The following GRK5 variants were observed in gnomAD, a reference collection of about 807,000 sequenced individuals.
GRK5 encodes the protein g protein-coupled receptor kinase GRK5.
In GRK5, 40 loss-of-function variants were observed where a neutral mutation model predicts 78.4. The observed-to-expected ratio is 0.51, with a 90% CI of 0.40 to 0.66. The LOEUF is 0.66. Among genes scored for constraint, GRK5 ranks in the 30% least tolerant of loss-of-function variants. The pLI is 0.00. For synonymous variants in GRK5, 289 were observed against 296.8 expected, an observed-to-expected ratio of 0.97 and a Z score of 0.27; for missense variants, 598 against 759.9, an observed-to-expected ratio of 0.79 and a Z score of 2.50.
chr10:119,265,282 A>G (rs73450534), intron 1 of GRK5, among the ~76,000 whole-genome samples: 4,157 of 152,280 alleles, frequency 0.027, 77 homozygotes, highest in Admixed American at 0.055. Flanking sequence ...GGGTAGAGAA[A>G]GCCTTTGCTG....
chr10:119,239,878 A>G (rs1039197723), intron 1 of GRK5, among the ~76,000 whole-genome samples: 1 of 152,118 alleles, frequency 6.6e-6, no homozygotes, highest in Admixed American at 6.6e-5. Context: ...ATAGTATTCC[A>G]TGGTGTATAT....
intron 4 of GRK5, among the ~76,000 whole-genome samples, chr10:119,418,919 T>C (rs1169284822): frequency 6.6e-6 from 1 of 152,124 alleles, no homozygotes; most frequent in African/African-American, 2.4e-5. Flanking sequence ...CTTGGATTTC[T>C]GTATGGTTAG....
chr10:119,249,347 T>C (rs1225655665), intron 1 of GRK5, among the ~76,000 whole-genome samples: 1 of 152,198 alleles, frequency 6.6e-6, no homozygotes, highest in Non-Finnish European at 1.5e-5. Context: ...TTAATATATA[T>C]ATCAAATAAA....
chr10:119,414,502 C>T (rs1471514436), intron 4 of GRK5, among the ~76,000 whole-genome samples: 2 of 152,214 alleles, frequency 1.3e-5, no homozygotes, highest in Non-Finnish European at 2.9e-5. Flanking sequence ...GCTTGTTCCT[C>T]AACACCACAT....
chr10:119,430,506 A>C lies in GRK5; in HGVS notation c.597+68A>C. The C allele has an allele frequency of 1.4e-6, 2 of 1,467,164 alleles. No individual in the cohort carries two copies. Among genetic ancestry groups the C allele is most frequent in the Non-Finnish European group, 1.9e-6 (2 of 1,055,492 alleles). 90.9% of individuals were successfully genotyped at this position (1,467,164 alleles called of 1,614,324 possible). A position where few individuals can be genotyped will look rare whatever the true frequency, so the allele number is the denominator to read the frequency against. The stretch of plus-strand genomic sequence containing the variant: ...AAGTCACCTTTCCTGTCCCTTCTAA[A>C]TCAACCTAAAGGGTTGGCCCACGGG... On this transcript the variant is annotated intron_variant, in intron 7 of 15. Transcript: ENST00000392870. The surrounding 1 kb of genome is among the most constrained non-coding windows in gnomAD (Gnocchi z 4.5).
At chr10:119,232,398 A>T (rs1331306997) in intron 1 of GRK5, among the ~76,000 whole-genome samples, 1 of 152,050 alleles carries the variant, frequency 6.6e-6, no homozygotes, top group Admixed American at 6.6e-5. Flanking sequence ...GGAGGAAGAA[A>T]CTCCTAGTGT....
intron 1 of GRK5, among the ~76,000 whole-genome samples, chr10:119,244,561 C>T (rs1354377511): frequency 1.3e-5 from 2 of 152,216 alleles, no homozygotes; most frequent in African/African-American, 2.4e-5. Context: ...GTGAGACCCC[C>T]ATCTCTACAG....
At chr10:119,220,429 G>A (rs545649198) in intron 1 of GRK5, among the ~76,000 whole-genome samples, 10 of 152,282 alleles carry the variant, frequency 6.6e-5, no homozygotes, top group Admixed American at 5.9e-4. Flanking sequence ...CATGGGTTAC[G>A]GAGGTGAGGG....
chr10:119,291,769 TC>T, intron 1 of GRK5, among the ~76,000 whole-genome samples: 2 of 150,314 alleles, frequency 1.3e-5, no homozygotes, highest in African/African-American at 4.9e-5. Context: ...CTCATCCTCC[TC>T]CTTATCCTCA....
intron 6 of GRK5, among the ~76,000 whole-genome samples, chr10:119,425,842 T>G (rs1348130583): frequency 1.3e-5 from 2 of 152,258 alleles, no homozygotes; most frequent in Non-Finnish European, 2.9e-5. Context: ...GATGTGTCCC[T>G]CTGTGACAGA....
intron 3 of GRK5, among the ~76,000 whole-genome samples, chr10:119,396,476 G>A (rs997907423): frequency 2.0e-5 from 3 of 152,180 alleles, no homozygotes; most frequent in East Asian, 1.9e-4. Flanking sequence ...ATGGAGCACC[G>A]CCATCCTGAG....
intron 2 of GRK5, among the ~76,000 whole-genome samples, chr10:119,353,249 G>A (rs1851213730): frequency 6.6e-6 from 1 of 152,126 alleles, no homozygotes; most frequent in Admixed American, 6.5e-5. Flanking sequence ...TACAGCCCCT[G>A]TTTCTCCATT....
Position 119,455,645 on chromosome 10 carries a change from T to C in GRK5, c.*578T>C, listed in dbSNP as rs940463507. Reference sequence around the variant, plus strand: ...CTTCACCTTTGAAGGATTGGTTGTATTTACCCACATCTATCTCTGGAGCCA... The same window carrying C: ...CTTCACCTTTGAAGGATTGGTTGTACTTACCCACATCTATCTCTGGAGCCA... On this transcript the variant is annotated 3_prime_UTR_variant, in exon 16 of 16. Transcript: ENST00000392870. 1 of 265,114 alleles carries C rather than the reference T, an allele frequency of 3.8e-6. No individual in the cohort carries two copies. Among genetic ancestry groups the C allele is most frequent in the Non-Finnish European group, 7.2e-6 (1 of 138,492 alleles). 16.4% of individuals were successfully genotyped at this position (265,114 alleles called of 1,614,324 possible).
intron 4 of GRK5, among the ~76,000 whole-genome samples, chr10:119,405,222 T>C (rs1035968971): frequency 7.2e-5 from 11 of 152,098 alleles, no homozygotes; most frequent in Non-Finnish European, 1.2e-4. Flanking sequence ...TGGGGCAGGC[T>C]TCTGGGGAAC....
intron 1 of GRK5, among the ~76,000 whole-genome samples, chr10:119,265,929 G>T (rs1262192388): frequency 6.6e-6 from 1 of 152,178 alleles, no homozygotes; most frequent in South Asian, 2.1e-4. Flanking sequence ...ATCTGCGTTG[G>T]GTCCTGCTGT....
intron 2 of GRK5, among the ~76,000 whole-genome samples, chr10:119,346,702 TC>T (rs1296375922): frequency 6.6e-6 from 1 of 152,098 alleles, no homozygotes; most frequent in African/African-American, 2.4e-5. Context: ...GCTGGCTGGC[TC>T]CTGGGCCTCC....
chr10:119,282,682 C>T (rs998584447), intron 1 of GRK5, among the ~76,000 whole-genome samples: 1 of 152,152 alleles, frequency 6.6e-6, no homozygotes, highest in South Asian at 2.1e-4. Flanking sequence ...TGACAGCTTC[C>T]TGCTCTGGTG....
chr10:119,282,892 G>A (rs1422468346), intron 1 of GRK5, among the ~76,000 whole-genome samples: 1 of 152,228 alleles, frequency 6.6e-6, no homozygotes, highest in Non-Finnish European at 1.5e-5. Context: ...CCGGAGGAGT[G>A]ACAGTCGCCC....
intron 1 of GRK5, among the ~76,000 whole-genome samples, chr10:119,224,736 C>T (rs971723338): frequency 6.6e-6 from 1 of 152,086 alleles, no homozygotes; most frequent in Non-Finnish European, 1.5e-5. Flanking sequence ...TTTTAATTTT[C>T]GAGGTAATAT....
Sources: gnomAD v4.1 joint callset for allele counts (sites outside exome capture counted in the v4.1 genomes callset) on GRCh38, gnomAD v4.1.1 for gene constraint, Gnocchi (gnomAD v3.1) non-coding constraint, MANE v1.5 for transcripts, NCBI Gene and HGNC (gene_info 2026-07-23, HGNC 2026-07-21) for gene names.